Variants in NOTCH4 observed in about 807,000 individuals in gnomAD.
NOTCH4 encodes neurogenic locus notch homolog protein 4.
NOTCH4 carries 138 observed loss-of-function variants against 189.0 expected under a neutral mutation model. The observed-to-expected ratio is 0.73, with a 90% confidence interval of 0.64 to 0.84. The LOEUF (loss-of-function observed/expected upper bound fraction) is 0.84, where lower values mean the gene tolerates loss of function less well. Ranked by LOEUF, NOTCH4 falls within the 40% of genes least tolerant of loss-of-function variation. The pLI, the probability that NOTCH4 is intolerant of heterozygous loss-of-function variation, is 0.00. For missense variants in NOTCH4, 2,286 were observed against 2,605.4 expected (o/e 0.88, Z 2.67); for synonymous variants, 942 against 1,032.8 (o/e 0.91, Z 1.69).
chr6:32,208,162 T>C (rs999082801), intron 18 of NOTCH4, among the ~76,000 whole-genome samples: 3 of 151,792 alleles, frequency 2.0e-5, no homozygotes, highest in African/African-American at 7.3e-5. Flanking sequence ...AAGGAAACAA[T>C]TAATGGAGTG....
intron 18 of NOTCH4, among the ~76,000 whole-genome samples, chr6:32,205,547 CAAA>C (rs9281672): frequency 1.9e-5 from 1 of 52,182 alleles, no homozygotes; most frequent in Admixed American, 3.3e-4. Flanking sequence ...GATGCTGTCT[CAAA>C]AAAAAAAAAA....
In NOTCH4 at chr6:32,195,312, T is replaced by C; in HGVS notation, c.*125A>G. On this transcript the variant is annotated 3_prime_UTR_variant, in exon 30 of 30. Transcript: ENST00000375023. This position sits in a 1 kb window ranked among gnomAD's most constrained non-coding sequence, Gnocchi z 5.4. ...GTCTGCTCTGGTGGGCATACATTCA[T>C]TTTAGGAGAGAAACTAAACTCACAA... 4.4e-6 allele frequency: 4 copies of C among 903,898 alleles called. No individual in the cohort carries two copies. The highest frequency in any genetic ancestry group is 2.9e-5 in the Admixed American group (1 of 33,986). The allele number at this position is 903,898 out of a possible 1,614,324, so 56.0% of individuals were successfully genotyped here. A position where few individuals can be genotyped will look rare whatever the true frequency, so the allele number is the denominator to read the frequency against.
At chr6:32,218,714 G>C (rs1017683837) in intron 8 of NOTCH4, among the ~76,000 whole-genome samples, 111 of 152,272 alleles carry the variant, frequency 7.3e-4, no homozygotes, top group African/African-American at 2.6e-3. Context: ...TGTCCCTTGG[G>C]TTACCGAACC....
chr6:32,216,192 AT>A (rs1561940453), intron 11 of NOTCH4: 1 of 151,558 alleles, frequency 6.6e-6, no homozygotes, highest in Non-Finnish European at 1.5e-5. Flanking sequence ...ACGCCCAGTT[AT>A]TTTTTTGTAT....
chr6:32,213,750 C>G lies in NOTCH4; in HGVS notation c.2258G>C (p.Cys753Ser). ...SCNPSPGGYY[C>S]TCPPSHTGPQ... ...CCCTGTGTGGCTTGGAGGGCAGGTG[C>G]AGTAGTAGCCTCCAGGGCTAGGGTT... Residue 753 changes from cysteine to serine, a missense_variant, in exon 14 of 30, where the codon TGC becomes TCC. Transcript: ENST00000375023. 6.2e-7 allele frequency: 1 copy of G among 1,612,630 alleles called. No homozygotes were observed. The highest frequency in any genetic ancestry group is 8.5e-7 in the Non-Finnish European group (1 of 1,179,992).
rs1431915286 is a variant in NOTCH4 at position 32,196,040 on chromosome 6, C to G, written c.5409G>C (p.Pro1803=). 3 of 1,594,986 alleles carry G rather than the reference C, an allele frequency of 1.9e-6. No homozygotes were observed. The highest frequency in any genetic ancestry group is 2.5e-6 in the Non-Finnish European group (3 of 1,177,338). The part of the protein sequence containing the change: ...RELRDQAGLA[P]ADVAHQRNHW... ...GGTTACGTTGGTGAGCGACGTCCGC[C>G]GGCGCTAGCCCAGCCTGGTCCCGCA... Residue 1803 remains proline (P), a synonymous_variant, in exon 30 of 30, where the codon CCG becomes CCC. Coordinates refer to ENST00000375023, the MANE Select transcript of NOTCH4 (RefSeq NM_004557.4).
chr6:32,207,254 C>T (rs1163351062), intron 18 of NOTCH4, among the ~76,000 whole-genome samples: 2 of 151,226 alleles, frequency 1.3e-5, no homozygotes, highest in African/African-American at 4.8e-5. Flanking sequence ...AACAAAGGCA[C>T]CAAGTACACA....
chr6:32,202,568 G>T lies in NOTCH4; in HGVS notation c.3263C>A (p.Ala1088Asp). 1 of 1,597,506 alleles carries T rather than the reference G, an allele frequency of 6.3e-7. No individual in the cohort carries two copies. The highest frequency in any genetic ancestry group is 8.6e-7 in the Non-Finnish European group (1 of 1,168,058). ...GFEGPTCSHR[A>D]PSCGFHHCHH... ...GCAGTGATGGAAGCCGCAGGAAGGG[G>T]CCCTGTGGCTGCAGGTGGGGCCTTC... Residue 1088 changes from alanine to aspartate, a missense_variant, in exon 21 of 30, where the codon GCC becomes GAC. Physicochemically the swap from Ala to Asp is moderately radical, Grantham distance 126 (BLOSUM62 -2). Around this residue, in one of 2 missense-constraint regions of NOTCH4, gnomAD observed 1,903 missense variants for 2,261.9 expected, o/e 0.84. Transcript: ENST00000375023. This position sits in a 1 kb window ranked among gnomAD's most constrained non-coding sequence, Gnocchi z 5.7.
intron 17 of NOTCH4, among the ~76,000 whole-genome samples, chr6:32,211,931 G>A (rs960762970): frequency 2.6e-5 from 4 of 152,208 alleles, no homozygotes; most frequent in Non-Finnish European, 5.9e-5. Context: ...CTCAAGTGAG[G>A]ACAAGTGGCT....
rs1436535122 is a variant in NOTCH4 at position 32,210,333 on chromosome 6, G to C, written c.2865+419C>G. ...AGGCCTGAGAGGCAGGCAGGGCTGG[G>C]TCATGCAGGCCTTGGACTTTATTCA... is the stretch of plus-strand genomic sequence containing the variant. On this transcript the variant is annotated intron_variant, in intron 18 of 29. Transcript: ENST00000375023. The surrounding 1 kb of genome is among the most constrained non-coding windows in gnomAD (Gnocchi z 4.8). Among the ~76,000 whole-genome samples the C allele has an allele frequency of 6.6e-6, 1 of 152,174 alleles. No homozygotes were observed. The highest frequency in any genetic ancestry group is 1.5e-5 in the Non-Finnish European group (1 of 68,034).
At chr6:32,203,014 T>G (rs898823929) in intron 20 of NOTCH4, 2 of 154,394 alleles carry the variant, frequency 1.3e-5, no homozygotes, top group South Asian at 4.1e-4. Flanking sequence ...CAAGCAATTC[T>G]CCTGCCTCAG....
At position 32,198,719 on chromosome 6, in the gene NOTCH4, G is replaced by A; in HGVS notation, c.4547C>T (p.Pro1516Leu). The change falls in exon 25 of 30, where the codon CCA becomes CTA. Residue 1516 changes from proline (P) to leucine (L), a missense_variant. Pro to Leu is a moderately conservative substitution (Grantham distance 98). Transcript: ENST00000375023. The surrounding 1 kb of genome is among the most constrained non-coding windows in gnomAD (Gnocchi z 5.5). ...TCCATCCTCATCAACTTCTGCCTTT[G>A]GCTTCAGTGCCCTGGAAAGGAATGG... ...EDSIGLKALK[P>L]KAEVDEDGVV... is the part of the protein sequence containing the mutation. 1 of 1,611,612 alleles carries A rather than the reference G, an allele frequency of 6.2e-7. No homozygotes were observed. The highest frequency in any genetic ancestry group is 8.5e-7 in the Non-Finnish European group (1 of 1,179,342).
rs1198865348 is a variant in NOTCH4, at chr6:32,217,116, G to T, written c.1738+37C>A. 1 of 1,612,880 alleles carries T rather than the reference G, an allele frequency of 6.2e-7. No homozygotes were observed. Among genetic ancestry groups the T allele is most frequent in the African/African-American group, 1.3e-5 (1 of 74,930 alleles). On this transcript the variant is annotated intron_variant, in intron 10 of 29. Transcript: ENST00000375023. This position sits in a 1 kb window ranked among gnomAD's most constrained non-coding sequence, Gnocchi z 4.2. ...GGACCTGCACGGATGTCTGCCTCCT[G>T]CTCCCGCTGTCCCCCACAGTGTGTG...
At chr6:32,218,183 T>C in intron 8 of NOTCH4, 75 bp from the exon 9 acceptor site, 2 of 948,012 alleles carry the variant, frequency 2.1e-6, no homozygotes, top group Non-Finnish European at 1.7e-6. Context: ...GAATCGGCCC[T>C]GCTCCTGACT....
rs567848122 is a variant in NOTCH4 at position 32,198,478 on chromosome 6, G to C, written c.4699C>G (p.Leu1567Val). 1 of 1,612,904 alleles carries C rather than the reference G, an allele frequency of 6.2e-7. No individual in the cohort carries two copies. The highest frequency in any genetic ancestry group is 1.1e-5 in the South Asian group (1 of 91,074). ...GCGALPQAAMLTPPQESEMEA... is the reference protein window; with the variant it reads ...GCGALPQAAMVTPPQESEMEA... ...ATCTCAGATTCCTGGGGAGGAGTTA[G>C]CATGGCTGCCTGAGGGAGCGCCCCA... is the stretch of plus-strand genomic sequence containing the variant. Residue 1567 changes from leucine to valine, a missense_variant, in exon 26 of 30, where the codon CTA becomes GTA. By Grantham distance (32) the Leu-to-Val change is conservative (BLOSUM62 1). Coordinates refer to ENST00000375023, the MANE Select transcript of NOTCH4 (RefSeq NM_004557.4). This position sits in a 1 kb window ranked among gnomAD's most constrained non-coding sequence, Gnocchi z 5.5.
chr6:32,196,320 T>A lies in NOTCH4; in HGVS notation c.5298+4A>T. 6.2e-7 allele frequency: 1 copy of A among 1,613,158 alleles called. No homozygotes were observed. Among genetic ancestry groups the A allele is most frequent in the Non-Finnish European group, 8.5e-7 (1 of 1,180,038 alleles). On this transcript the variant is annotated splice_donor_region_variant and intron_variant, in intron 29 of 29. Coordinates refer to ENST00000375023, the MANE Select transcript of NOTCH4 (RefSeq NM_004557.4). ...TTTGTGGGAAGCCCTCTGTCCCATC[T>A]AACCCTGTTGTCCTGGGCATCTTTA...
chr6:32,216,585 G>T (rs1012402500), intron 11 of NOTCH4: 19 of 391,774 alleles, frequency 4.8e-5, no homozygotes, highest in Non-Finnish European at 8.2e-5. Context: ...CTCTGTATTA[G>T]ACTTAAAGTC....
At chr6:32,214,484 T>TATATATATATATAC (rs28383875) in intron 12 of NOTCH4, among the ~76,000 whole-genome samples, 15 of 141,266 alleles carry the variant, frequency 1.1e-4, no homozygotes, top group African/African-American at 2.8e-4. Flanking sequence ...TATATATATA[T>TATATATATATATAC]ACACACATAT....
In NOTCH4 at chr6:32,198,336, C is replaced by G; in HGVS notation, c.4756+85G>C. On this transcript the variant is annotated intron_variant, in intron 26 of 29. Coordinates refer to ENST00000375023, the MANE Select transcript of NOTCH4 (RefSeq NM_004557.4). This position sits in a 1 kb window ranked among gnomAD's most constrained non-coding sequence, Gnocchi z 5.5. ...GGCACTCAGTCTAAAATTATTTCCT[C>G]TAGTTCTGATATTAAAGGACTCTCT... 7.2e-7 allele frequency: 1 copy of G among 1,387,222 alleles called. No homozygotes were observed. Among genetic ancestry groups the G allele is most frequent in the Non-Finnish European group, 9.8e-7 (1 of 1,016,564 alleles). The allele number at this position is 1,387,222 out of a possible 1,614,324, so 85.9% of individuals were successfully genotyped here.
Sources: gnomAD v4.1 joint callset for allele counts (sites outside exome capture counted in the v4.1 genomes callset) on GRCh38, gnomAD v4.1.1 for gene constraint, gnomAD v4.1.1 regional missense constraint, Gnocchi (gnomAD v3.1) non-coding constraint, MANE v1.5 for transcripts, NCBI Gene and HGNC (gene_info 2026-07-23, HGNC 2026-07-21) for gene names.